The following NUP210L variants were observed in gnomAD, a reference collection of about 807,000 sequenced individuals.
The protein encoded by NUP210L is nuclear pore membrane glycoprotein 210-like.
NUP210L carries 74 observed loss-of-function variants against 208.5 expected under a neutral mutation model. The ratio of observed to expected loss-of-function variants is 0.35; its 90% CI spans 0.29 to 0.43. NUP210L has a LOEUF of 0.43. Among genes scored for constraint, NUP210L ranks in the 20% least tolerant of loss-of-function variants. The pLI is 1.00. For missense variants in NUP210L, 1,843 were observed against 2,289.4 expected (o/e 0.81, Z 3.98); for synonymous variants, 780 against 816.9 (o/e 0.95, Z 0.77).
rs1465176101 is a variant in NUP210L at position 154,114,778 on chromosome 1, T to C, written c.1620+2947A>G. Among the ~76,000 whole-genome samples, 10 of 140,610 alleles carry C rather than the reference T, an allele frequency of 7.1e-5. No homozygotes were observed. The South Asian group carries it at 1.4e-3, about 20-fold the overall frequency. 92.2% of individuals were successfully genotyped at this position (140,610 alleles called of 152,430 possible). ...CCTGGTTAATTTTTTTTTTAAGAGA[T>C]GGGGGGGGGGGTCTTGCTTTGTTGT... On this transcript the variant is annotated intron_variant, in intron 12 of 39. Coordinates refer to ENST00000368559, the Ensembl canonical transcript of NUP210L.
intron 3 of NUP210L, 113 bp from the exon 4 acceptor site, chr1:154,141,637 TAAGA>T (rs1658857392): frequency 3.0e-6 from 2 of 665,214 alleles, no homozygotes; most frequent in Non-Finnish European, 5.4e-6. Context: ...CCTCTTTCAT[TAAGA>T]AATAGAAAGC....
At chr1:154,009,123 T>TG (rs1439709454) in intron 35 of NUP210L, among the ~76,000 whole-genome samples, 2 of 152,064 alleles carry the variant, frequency 1.3e-5, no homozygotes, top group African/African-American at 4.8e-5. Flanking sequence ...TTGGCCAGGC[T>TG]GGTCTCCGAA....
chr1:154,025,514 G>GT (rs766571391), intron 30 of NUP210L, 28 bp downstream of exon 30: 137 of 1,431,052 alleles, frequency 9.6e-5, no homozygotes, highest in South Asian at 2.7e-4. Flanking sequence ...TTATTTATTT[G>GT]TTTTTTTTAG....
rs752172224 is a variant in NUP210L at position 154,143,411 on chromosome 1, T to C, written c.472+35A>G. On this transcript the variant is annotated intron_variant, in intron 3 of 39. Transcript: ENST00000368559. The stretch of plus-strand genomic sequence containing the variant: ...AACATAAACAGATATTACTTTATTT[T>C]AGGTAATTTTGTTGAATCCTCTGAA... The C allele has an allele frequency of 1.3e-5, 21 of 1,596,770 alleles. No homozygotes were observed. In the South Asian group the frequency reaches 2.3e-4, roughly 17 times the overall value.
At chr1:154,150,775 C>T (rs1659344668) in intron 2 of NUP210L, among the ~76,000 whole-genome samples, 1 of 146,746 alleles carries the variant, frequency 6.8e-6, no homozygotes, top group South Asian at 2.2e-4. Context: ...GGCAAGCTTA[C>T]ATCTTTTTAC....
chr1:154,136,719 G>A (rs976253608), intron 6 of NUP210L, among the ~76,000 whole-genome samples: 8 of 151,560 alleles, frequency 5.3e-5, no homozygotes, highest in African/African-American at 1.9e-4. Flanking sequence ...AGGAGTTCGA[G>A]ACCAGCCTGG....
chr1:154,113,253 A>C (rs893627363), intron 12 of NUP210L, among the ~76,000 whole-genome samples: 1 of 149,016 alleles, frequency 6.7e-6, no homozygotes, highest in South Asian at 2.1e-4. Context: ...AACATATATA[A>C]ATACATTATA....
At chr1:154,112,050 C>T (rs1657067206) in intron 12 of NUP210L, among the ~76,000 whole-genome samples, 1 of 151,464 alleles carries the variant, frequency 6.6e-6, no homozygotes, top group African/African-American at 2.5e-5. Flanking sequence ...GCCTCAACCT[C>T]CCGAGTAGCT....
At chr1:154,055,210 TCTCC>T (rs1296590162) in intron 23 of NUP210L, among the ~76,000 whole-genome samples, 19 of 150,384 alleles carry the variant, frequency 1.3e-4, no homozygotes, top group African/African-American at 4.6e-4. Flanking sequence ...TCTTTCTCTC[TCTCC>T]CTCTCTCTTT....
intron 38 of NUP210L, among the ~76,000 whole-genome samples, chr1:153,994,320 A>G (rs1449189464): frequency 2.0e-5 from 3 of 150,218 alleles, no homozygotes; most frequent in Admixed American, 6.6e-5. Context: ...TAAGTTGAGG[A>G]CCTTTTTTTT....
exon 36 of NUP210L, chr1:154,001,747 A>G (rs745439825): frequency 2.5e-6 from 4 of 1,614,080 alleles, no homozygotes; most frequent in African/African-American, 2.7e-5. Context: ...CTAGCTTCCT[A>G]AGAACTCTGT....
Position 154,024,466 on chromosome 1 carries a change from C to T in NUP210L, c.4122+1076G>A, listed in dbSNP as rs200259123. Among the ~76,000 whole-genome samples the T allele has an allele frequency of 1.2e-4, 19 of 152,032 alleles. No individual in the cohort carries two copies. In the East Asian group the frequency reaches 2.9e-3, roughly 23 times the overall value. On this transcript the variant is annotated intron_variant, in intron 30 of 39. Coordinates refer to ENST00000368559, the Ensembl canonical transcript of NUP210L. ...ATGTTTAATGTCTAAAATTTTTTTT[C>T]GTGTTAAGACTAACTTATCTCTGAG...
At chr1:154,133,293 C>T (rs1433450224) in intron 7 of NUP210L, among the ~76,000 whole-genome samples, 4 of 152,046 alleles carry the variant, frequency 2.6e-5, no homozygotes, top group African/African-American at 9.7e-5. Flanking sequence ...TGGTGGATCA[C>T]ACCTGTAATC....
chr1:154,112,448 T>C (rs1657089932), intron 12 of NUP210L, among the ~76,000 whole-genome samples: 2 of 152,146 alleles, frequency 1.3e-5, no homozygotes, highest in Non-Finnish European at 1.5e-5. Context: ...ATAACTGGAA[T>C]GTTTGTAACA....
At chr1:154,085,074 G>A (rs532456353) in intron 16 of NUP210L, among the ~76,000 whole-genome samples, 4 of 142,046 alleles carry the variant, frequency 2.8e-5, no homozygotes, top group African/African-American at 1.0e-4. Context: ...AAGGCCAGGT[G>A]CAGTGGCTCA....
At chr1:154,084,770 G>T (rs1655536729) in intron 16 of NUP210L, among the ~76,000 whole-genome samples, 1 of 147,410 alleles carries the variant, frequency 6.8e-6, no homozygotes, top group South Asian at 2.2e-4. Context: ...ACTGCATCCA[G>T]CTGGGACCCA....
intron 16 of NUP210L, among the ~76,000 whole-genome samples, chr1:154,083,145 G>A (rs757187809): frequency 3.3e-5 from 5 of 152,136 alleles, no homozygotes; most frequent in South Asian, 2.1e-4. Context: ...CTGTCGGCTC[G>A]GTGGCCAGCT....
chr1:154,021,346 G>A (rs1651550979), intron 32 of NUP210L, among the ~76,000 whole-genome samples: 1 of 152,046 alleles, frequency 6.6e-6, no homozygotes, highest in Admixed American at 6.6e-5. Context: ...AATTAGCCAG[G>A]CGTGGTGTTG....
intron 10 of NUP210L, among the ~76,000 whole-genome samples, chr1:154,124,052 T>G (rs1025629786): frequency 6.6e-6 from 1 of 151,752 alleles, no homozygotes; most frequent in Non-Finnish European, 1.5e-5. Context: ...CCGGGCGTGG[T>G]GGCACACGCC....
Sources: gnomAD v4.1 joint callset for allele counts (sites outside exome capture counted in the v4.1 genomes callset) on GRCh38, gnomAD v4.1.1 for gene constraint, MANE v1.5 for transcripts, NCBI Gene and HGNC (gene_info 2026-07-23, HGNC 2026-07-21) for gene names.